Variants in C8orf34 observed in about 807,000 individuals in gnomAD.
C8orf34 encodes the protein chromosome 8 open reading frame 34.
C8orf34 carries 65 observed loss-of-function variants against 68.3 expected under a neutral mutation model. That is an observed-to-expected ratio of 0.95 (90% confidence interval 0.78 to 1.17). C8orf34 has a LOEUF of 1.17. Among genes scored for constraint, C8orf34 ranks in the 50% most tolerant of loss-of-function variants. The pLI is 0.00. For missense variants in C8orf34, 664 were observed against 655.4 expected (o/e 1.01, Z -0.14); for synonymous variants, 244 against 241.2 (o/e 1.01, Z -0.11).
chr8:68,533,395 A>T, intron 7 of C8orf34: 1 of 1,188,526 alleles, frequency 8.4e-7, no homozygotes, highest in Non-Finnish European at 1.0e-6. Context: ...TTACCTTCTG[A>T]CTACGTAATG....
At chr8:68,456,180 C>T (rs1261567533) in intron 3 of C8orf34, among the ~76,000 whole-genome samples, 1 of 151,550 alleles carries the variant, frequency 6.6e-6, no homozygotes, top group Non-Finnish European at 1.5e-5. Context: ...CACTTGAACC[C>T]AGGAGGCAGA....
At chr8:68,340,506 C>T (rs1033041685) in intron 1 of C8orf34, among the ~76,000 whole-genome samples, 1 of 152,074 alleles carries the variant, frequency 6.6e-6, no homozygotes, top group African/African-American at 2.4e-5. Context: ...TGAGAGATCA[C>T]TATGGACTGC....
At chr8:68,790,380 T>A (rs1221668592) in intron 12 of C8orf34, among the ~76,000 whole-genome samples, 1 of 152,228 alleles carries the variant, frequency 6.6e-6, no homozygotes, top group Admixed American at 6.5e-5. Flanking sequence ...GTTTCTTGAC[T>A]CAGCTTTCTA....
At chr8:68,545,496 GA>G (rs1284617298) in intron 7 of C8orf34, among the ~76,000 whole-genome samples, 5 of 151,594 alleles carry the variant, frequency 3.3e-5, no homozygotes, top group East Asian at 1.9e-4. Flanking sequence ...AGCATTCAGA[GA>G]AAAAAAAGAT....
At chr8:68,428,238 G>A (rs894415107) in intron 1 of C8orf34, among the ~76,000 whole-genome samples, 1 of 151,906 alleles carries the variant, frequency 6.6e-6, no homozygotes, top group African/African-American at 2.4e-5. Flanking sequence ...TTATGCTGCT[G>A]AAAATGATCC....
intron 1 of C8orf34, among the ~76,000 whole-genome samples, chr8:68,367,679 C>G (rs1191415272): frequency 2.8e-5 from 4 of 141,578 alleles, no homozygotes; most frequent in African/African-American, 5.3e-5. Flanking sequence ...TATTCTCACT[C>G]ATAGGTGGGA....
chr8:68,776,752 A>G (rs1401015119), intron 11 of C8orf34, among the ~76,000 whole-genome samples: 1 of 152,206 alleles, frequency 6.6e-6, no homozygotes, highest in Non-Finnish European at 1.5e-5. Context: ...TGAGAATAAC[A>G]TGGTTTACAT....
intron 7 of C8orf34, among the ~76,000 whole-genome samples, chr8:68,613,462 C>A (rs1222031240): frequency 6.6e-6 from 1 of 150,538 alleles, no homozygotes. Flanking sequence ...ACAACAGTCC[C>A]CAGAGTGTGA....
chr8:68,796,537 G>A (rs1195113465), intron 12 of C8orf34, among the ~76,000 whole-genome samples: 1 of 152,126 alleles, frequency 6.6e-6, no homozygotes, highest in Non-Finnish European at 1.5e-5. Context: ...GGTAAAGTCT[G>A]CATATTACAA....
chr8:68,743,499 T>G (rs972201274), intron 10 of C8orf34, among the ~76,000 whole-genome samples: 6 of 151,990 alleles, frequency 3.9e-5, no homozygotes, highest in African/African-American at 1.4e-4. Flanking sequence ...TGCAGGTCAG[T>G]GGGTGGGTGC....
chr8:68,806,241 C>T (rs1463613356), intron 12 of C8orf34, among the ~76,000 whole-genome samples: 2 of 151,694 alleles, frequency 1.3e-5, no homozygotes, highest in Non-Finnish European at 1.5e-5. Flanking sequence ...TATATTTTCC[C>T]AGTTTTATTC....
intron 7 of C8orf34, among the ~76,000 whole-genome samples, chr8:68,603,521 A>ATCTATC (rs1817761532): frequency 4.3e-5 from 6 of 140,554 alleles, no homozygotes; most frequent in East Asian, 2.1e-4. Flanking sequence ...ATATATACAT[A>ATCTATC]TATCTATCTA....
intron 4 of C8orf34, among the ~76,000 whole-genome samples, chr8:68,480,977 T>C (rs4737261): frequency 0.62 from 94,772 of 151,658 alleles, 29,994 homozygotes; most frequent in East Asian, 0.88. Context: ...GCCAGGAACC[T>C]AATGTTAATC....
chr8:68,575,419 A>G (rs1466690680), intron 7 of C8orf34, among the ~76,000 whole-genome samples: 1 of 151,972 alleles, frequency 6.6e-6, no homozygotes, highest in African/African-American at 2.4e-5. Context: ...AATCCTTCAT[A>G]CTGTCACTTC....
intron 7 of C8orf34, among the ~76,000 whole-genome samples, chr8:68,637,303 G>A (rs1427965302): frequency 6.6e-6 from 1 of 152,026 alleles, no homozygotes; most frequent in Admixed American, 6.6e-5. Flanking sequence ...TTGGTTGTTT[G>A]TATAAACAAT....
chr8:68,776,991 A>T (rs1307241049), intron 11 of C8orf34, among the ~76,000 whole-genome samples: 2 of 152,214 alleles, frequency 1.3e-5, no homozygotes, highest in East Asian at 3.8e-4. Flanking sequence ...GTGCCATGGA[A>T]CTTTGGACTG....
At chr8:68,362,583 G>C (rs1807051712) in intron 1 of C8orf34, among the ~76,000 whole-genome samples, 1 of 152,166 alleles carries the variant, frequency 6.6e-6, no homozygotes, top group Non-Finnish European at 1.5e-5. Context: ...CTTCAAGTGG[G>C]TCCCTGACCC....
At chr8:68,635,598 G>GTA (rs1278253225) in intron 7 of C8orf34, among the ~76,000 whole-genome samples, 9 of 152,138 alleles carry the variant, frequency 5.9e-5, no homozygotes, top group African/African-American at 2.2e-4. Flanking sequence ...TGATGAGAAG[G>GTA]TATGGGAAAC....
chr8:68,642,019 C>T (rs1180202764), intron 8 of C8orf34, among the ~76,000 whole-genome samples: 1 of 152,124 alleles, frequency 6.6e-6, no homozygotes. Flanking sequence ...CTATTACTAT[C>T]CCCATTTTAT....
Sources: gnomAD v4.1 joint callset for allele counts (sites outside exome capture counted in the v4.1 genomes callset) on GRCh38, gnomAD v4.1.1 for gene constraint, MANE v1.5 for transcripts, NCBI Gene and HGNC (gene_info 2026-07-23, HGNC 2026-07-21) for gene names.